Variants in SMKR1 observed in about 807,000 individuals in gnomAD.
SMKR1 encodes small lysine-rich protein 1.
SMKR1 carries 4 observed loss-of-function variants against 4.0 expected under a neutral mutation model. The ratio of observed to expected loss-of-function variants is 1.00; its 90% CI spans 0.49 to 2.30. The LOEUF (loss-of-function observed/expected upper bound fraction) is 2.30. Ranked by LOEUF, SMKR1 falls within the 30% of genes most tolerant of loss-of-function variation. SMKR1 has a pLI of 0.02. For missense variants in SMKR1, 56 were observed against 81.8 expected (o/e 0.68, Z 1.22); for synonymous variants, 38 against 32.5 (o/e 1.17, Z -0.58).
At position 129,511,461 on chromosome 7, in the gene SMKR1, ACTT is replaced by A. The variant is rs754681264; in HGVS notation, c.4-777_4-775del. Among the ~76,000 whole-genome samples the A allele has an allele frequency of 3.8e-4, 58 of 152,244 alleles. 1 individual carries two copies. Among genetic ancestry groups the A allele is most frequent in the African/African-American group, 1.2e-3 (48 of 41,560 alleles). On this transcript the variant is annotated intron_variant, in intron 1 of 1. Transcript: ENST00000462322. The stretch of plus-strand genomic sequence containing the variant: ...CAGTGTGCACTTCAGAAACGTGTGG[ACTT>A]CTTCTTCTGTGATTTGCTGCCATTG...
At chr7:129,508,588 C>A (rs1252769478) in intron 1 of SMKR1, among the ~76,000 whole-genome samples, 1 of 152,078 alleles carries the variant, frequency 6.6e-6, no homozygotes, top group Non-Finnish European at 1.5e-5. Context: ...ATTACTGGTG[C>A]CCGCCACCAC....
At chr7:129,509,174 G>A (rs543340714) in intron 1 of SMKR1, among the ~76,000 whole-genome samples, 16 of 152,282 alleles carry the variant, frequency 1.1e-4, no homozygotes, top group South Asian at 1.0e-3. Context: ...TTAGCCAGGC[G>A]TGGTGGCAAG....
At chr7:129,508,773 T>C (rs1195324654) in intron 1 of SMKR1, among the ~76,000 whole-genome samples, 2 of 152,208 alleles carry the variant, frequency 1.3e-5, no homozygotes, top group East Asian at 3.8e-4. Context: ...CGCTTTTCCA[T>C]GTGAATTTTG....
chr7:129,504,780 G>A (rs147463019), intron 1 of SMKR1, among the ~76,000 whole-genome samples: 1,652 of 152,222 alleles, frequency 0.011, 16 homozygotes, highest in Non-Finnish European at 0.017. Context: ...TCTCAAACTG[G>A]GTGCAAGTGA....
chr7:129,503,591 G>C (rs1047829286), intron 1 of SMKR1, among the ~76,000 whole-genome samples: 1 of 152,156 alleles, frequency 6.6e-6, no homozygotes, highest in African/African-American at 2.4e-5. Context: ...TTGAGGCTTG[G>C]ATCAGAAGGA....
intron 1 of SMKR1, among the ~76,000 whole-genome samples, chr7:129,503,493 A>T (rs1166799179): frequency 6.6e-6 from 1 of 152,136 alleles, no homozygotes; most frequent in Admixed American, 6.5e-5. Flanking sequence ...AACAACAACA[A>T]ACAAAACGAA....
chr7:129,511,275 A>G (rs771006583), intron 1 of SMKR1, among the ~76,000 whole-genome samples: 3 of 152,248 alleles, frequency 2.0e-5, no homozygotes, highest in African/African-American at 7.2e-5. Flanking sequence ...AATGAAAATA[A>G]AATCATAAAC....
intron 1 of SMKR1, among the ~76,000 whole-genome samples, chr7:129,506,264 A>C (rs1799464348): frequency 1.3e-5 from 2 of 151,898 alleles, no homozygotes; most frequent in African/African-American, 4.8e-5. Flanking sequence ...CCATAATGAG[A>C]CCCTCATCTC....
At chr7:129,509,954 G>A (rs1418983912) in intron 1 of SMKR1, among the ~76,000 whole-genome samples, 1 of 152,152 alleles carries the variant, frequency 6.6e-6, no homozygotes, top group East Asian at 1.9e-4. Context: ...CCCCTTGCAG[G>A]TGTCCTTGAA....
At chr7:129,502,887 G>C in intron 1 of SMKR1, 60 bp downstream of exon 1, 10 of 1,531,874 alleles carry the variant, frequency 6.5e-6, no homozygotes, top group Non-Finnish European at 8.7e-6. Context: ...GCCCCAGGCT[G>C]TCCCGGAGAG....
intron 1 of SMKR1, among the ~76,000 whole-genome samples, chr7:129,505,797 A>G (rs1349077796): frequency 6.6e-6 from 1 of 152,102 alleles, no homozygotes; most frequent in Non-Finnish European, 1.5e-5. Flanking sequence ...GGTTTTTCTA[A>G]AGAGGTGATA....
chr7:129,503,379 A>T (rs1799431112), intron 1 of SMKR1, among the ~76,000 whole-genome samples: 1 of 152,196 alleles, frequency 6.6e-6, no homozygotes, highest in Admixed American at 6.5e-5. Context: ...TCAGGGAGGC[A>T]TCATTGTCTG....
At chr7:129,505,957 T>C (rs1247403411) in intron 1 of SMKR1, among the ~76,000 whole-genome samples, 7 of 152,110 alleles carry the variant, frequency 4.6e-5, no homozygotes, top group Non-Finnish European at 1.5e-5. Context: ...TGGTTTTCCT[T>C]AAGGAGTTTG....
chr7:129,509,308 C>A (rs1016891096), intron 1 of SMKR1, among the ~76,000 whole-genome samples: 1 of 151,984 alleles, frequency 6.6e-6, no homozygotes, highest in Non-Finnish European at 1.5e-5. Flanking sequence ...AGCAAGACTC[C>A]GTTTCAAAAA....
intron 1 of SMKR1, among the ~76,000 whole-genome samples, chr7:129,509,633 C>T (rs1418097617): frequency 5.3e-5 from 8 of 152,056 alleles, no homozygotes; most frequent in South Asian, 2.1e-4. Context: ...CTCCGTCTTC[C>T]GGGTTCAAGA....
intron 1 of SMKR1, among the ~76,000 whole-genome samples, chr7:129,503,523 A>G (rs1432527705): frequency 6.6e-6 from 1 of 152,128 alleles, no homozygotes; most frequent in Non-Finnish European, 1.5e-5. Flanking sequence ...TGCATCCCAC[A>G]CTAAACCCGC....
In SMKR1 at chr7:129,502,737, G is replaced by T; in HGVS notation, c.-88G>T. 1 of 1,530,110 alleles carries T rather than the reference G, an allele frequency of 6.5e-7. No homozygotes were observed. Among genetic ancestry groups the T allele is most frequent in the Non-Finnish European group, 8.7e-7 (1 of 1,142,964 alleles). The allele number at this position is 1,530,110 out of a possible 1,614,324, so 94.8% of individuals were successfully genotyped here. On this transcript the variant is annotated 5_prime_UTR_variant, in exon 1 of 2. Transcript: ENST00000462322. The stretch of plus-strand genomic sequence containing the variant: ...AAGGGGCCGGGGGTGCTAGGGGAAC[G>T]GGCGCTGGGGGCAGCGGCCCCGGTG...
chr7:129,512,014 C>G (rs1008437214), intron 1 of SMKR1, among the ~76,000 whole-genome samples: 1 of 152,058 alleles, frequency 6.6e-6, no homozygotes, highest in Non-Finnish European at 1.5e-5. Flanking sequence ...GAAACCCTGT[C>G]TCTACTAAAA....
At position 129,512,519 on chromosome 7, in the gene SMKR1, C is replaced by A; in HGVS notation, c.*78C>A. On this transcript the variant is annotated 3_prime_UTR_variant, in exon 2 of 2. Transcript: ENST00000462322. ...GTCAGGATAACACAACTGTTGCCAG[C>A]AACATAGACTTTACTCCAGACGACT... 1 of 1,367,928 alleles carries A rather than the reference C, an allele frequency of 7.3e-7. No individual in the cohort carries two copies. The highest frequency in any genetic ancestry group is 9.6e-7 in the Non-Finnish European group (1 of 1,039,870). 84.7% of individuals were successfully genotyped at this position (1,367,928 alleles called of 1,614,324 possible).
Sources: gnomAD v4.1 joint callset for allele counts (sites outside exome capture counted in the v4.1 genomes callset) on GRCh38, gnomAD v4.1.1 for gene constraint, MANE v1.5 for transcripts, NCBI Gene and HGNC (gene_info 2026-07-23, HGNC 2026-07-21) for gene names.